Variants in ANKRD13C observed in about 807,000 individuals in gnomAD.
The protein encoded by ANKRD13C is ankyrin repeat domain 13C, also known as ankyrin repeat domain-containing protein 13C.
ANKRD13C carries 16 observed loss-of-function variants against 65.5 expected under a neutral mutation model. That is an observed-to-expected ratio of 0.24 (90% CI 0.17 to 0.37). ANKRD13C has a LOEUF of 0.37. Among genes scored for constraint, ANKRD13C ranks in the 10% least tolerant of loss-of-function variants. ANKRD13C has a pLI of 1.00. For synonymous variants in ANKRD13C, 235 were observed against 238.7 expected, an observed-to-expected ratio of 0.98 and a Z score of 0.14; for missense variants, 503 against 655.9, an observed-to-expected ratio of 0.77 and a Z score of 2.55.
chr1:70,330,574 C>CAAAAAAAA (rs71071394), intron 2 of ANKRD13C, among the ~76,000 whole-genome samples: 48 of 68,356 alleles, frequency 7.0e-4, no homozygotes, highest in Admixed American at 1.1e-3. Flanking sequence ...ACAAACAAAC[C>CAAAAAAAA]AAAAAAAAAA....
At chr1:70,330,715 T>A (rs1273920570) in intron 2 of ANKRD13C, among the ~76,000 whole-genome samples, 1 of 151,906 alleles carries the variant, frequency 6.6e-6, no homozygotes, top group African/African-American at 2.4e-5. Context: ...AGAAACCATA[T>A]TAATTCTAAA....
chr1:70,312,367 T>C (rs572555789), intron 5 of ANKRD13C, among the ~76,000 whole-genome samples: 2 of 150,572 alleles, frequency 1.3e-5, no homozygotes, highest in Admixed American at 1.3e-4. Flanking sequence ...TTTCTATTAC[T>C]GTTTTTTTTT....
intron 9 of ANKRD13C, among the ~76,000 whole-genome samples, chr1:70,291,374 AT>A (rs1679861674): frequency 6.6e-6 from 1 of 152,168 alleles, no homozygotes; most frequent in Non-Finnish European, 1.5e-5. Flanking sequence ...TGACTCTAGT[AT>A]TTTTTTGGAA....
rs1394591921 is a variant in ANKRD13C, at chr1:70,302,642, C to T, written c.777-1734G>A. The stretch of plus-strand genomic sequence containing the variant: ...TTGGGAGGCTGAGGCGGGAGAATGG[C>T]GTGAACCCGGGAGGCGGAGCTTGCA... On this transcript the variant is annotated intron_variant, in intron 6 of 12. Transcript: ENST00000370944. Among the ~76,000 whole-genome samples the T allele has an allele frequency of 1.2e-3, 129 of 104,532 alleles. 11 individuals carry two copies. Among genetic ancestry groups the T allele is most frequent in the Admixed American group, 3.7e-4 (3 of 8,156 alleles). The allele number at this position is 104,532 out of a possible 152,430, so 68.6% of individuals were successfully genotyped here.
chr1:70,262,939 A>C, intron 12 of ANKRD13C, 92 bp from the exon 13 acceptor site: 1 of 852,638 alleles, frequency 1.2e-6, no homozygotes, highest in South Asian at 2.2e-5. Flanking sequence ...TACTCCTTAA[A>C]ATGTAAAAAA....
chr1:70,267,236 C>A (rs1348507310), intron 12 of ANKRD13C, among the ~76,000 whole-genome samples: 2 of 152,110 alleles, frequency 1.3e-5, no homozygotes, highest in Non-Finnish European at 2.9e-5. Flanking sequence ...TTAATATGGC[C>A]AATCCTGTTT....
intron 1 of ANKRD13C, among the ~76,000 whole-genome samples, chr1:70,337,225 A>G (rs1682081571): frequency 6.6e-6 from 1 of 152,068 alleles, no homozygotes; most frequent in South Asian, 2.1e-4. Flanking sequence ...TTGTTGGCAA[A>G]GTCAGCAAAA....
At chr1:70,273,858 G>A (rs948858531) in intron 11 of ANKRD13C, among the ~76,000 whole-genome samples, 21 of 151,774 alleles carry the variant, frequency 1.4e-4, no homozygotes, top group South Asian at 4.2e-4. Context: ...GTTTCACCAC[G>A]TTGGCCAGGC....
rs1458630246 is a variant in ANKRD13C, at chr1:70,354,186, C to T, written c.223G>A (p.Ala75Thr). Residue 75 changes from alanine to threonine, a missense_variant, in exon 1 of 13, where the codon GCC becomes ACC. By Grantham distance (58) the Ala-to-Thr change is moderately conservative (BLOSUM62 0). Transcript: ENST00000370944. ...GAATTGTGCAGCGGCAGAGCCGGGGCGCCGGGGGGATTGGAGGAGGCCGGA... is the reference window on the plus strand; with the variant it reads ...GAATTGTGCAGCGGCAGAGCCGGGGTGCCGGGGGGATTGGAGGAGGCCGGA... ...AAPASSNPPG[A>T]PALPLHNSSV... The T allele has an allele frequency of 8.1e-6, 13 of 1,613,700 alleles. No homozygotes were observed. The highest frequency in any genetic ancestry group is 1.1e-5 in the Non-Finnish European group (13 of 1,180,016).
Position 70,274,822 on chromosome 1 carries a change from A to G in ANKRD13C, c.1296-4T>C. The G allele has an allele frequency of 6.3e-7, 1 of 1,595,390 alleles. No individual in the cohort carries two copies. The highest frequency in any genetic ancestry group is 8.6e-7 in the Non-Finnish European group (1 of 1,163,572). ...TTCTCTACCCAGATGAGGAGCTCTA[A>G]AATGGGAGGAAAAAAAATGTTAGGA... is the stretch of plus-strand genomic sequence containing the variant. On this transcript the variant is annotated splice_polypyrimidine_tract_variant and splice_region_variant and intron_variant, in intron 10 of 12. Coordinates refer to ENST00000370944, the MANE Select transcript of ANKRD13C (RefSeq NM_030816.5).
rs891915125 is a variant in ANKRD13C, at chr1:70,262,148, C to T, written c.*569G>A. On this transcript the variant is annotated 3_prime_UTR_variant, in exon 13 of 13. Transcript: ENST00000370944. ...AATGGTTACCATTTGGTTCATTCAT[C>T]TACAGAAAATTGCATTCCTTCTAGT... The T allele has an allele frequency of 1.3e-5, 2 of 152,502 alleles. No individual in the cohort carries two copies. Among genetic ancestry groups the T allele is most frequent in the African/African-American group, 4.8e-5 (2 of 41,434 alleles). The allele number at this position is 152,502 out of a possible 1,614,324, so 9.4% of individuals were successfully genotyped here.
At chr1:70,330,419 G>T (rs894924903) in intron 2 of ANKRD13C, among the ~76,000 whole-genome samples, 1 of 151,802 alleles carries the variant, frequency 6.6e-6, no homozygotes, top group Non-Finnish European at 1.5e-5. Flanking sequence ...TTAGCTGGAC[G>T]TGGTGGCATG....
At chr1:70,349,185 C>A (rs1461502278) in intron 1 of ANKRD13C, among the ~76,000 whole-genome samples, 1 of 152,056 alleles carries the variant, frequency 6.6e-6, no homozygotes, top group African/African-American at 2.4e-5. Flanking sequence ...TGATCCTTTG[C>A]CAAACTATCA....
At chr1:70,265,096 T>C (rs566586742) in intron 12 of ANKRD13C, among the ~76,000 whole-genome samples, 3 of 151,960 alleles carry the variant, frequency 2.0e-5, no homozygotes, top group South Asian at 4.2e-4. Flanking sequence ...CCAGATCAGG[T>C]GGAGTTTAGG....
chr1:70,345,401 C>G (rs1324409153), intron 1 of ANKRD13C, among the ~76,000 whole-genome samples: 1 of 151,740 alleles, frequency 6.6e-6, no homozygotes, highest in African/African-American at 2.4e-5. Context: ...TGCACTCCAG[C>G]CTGAGCAAGA....
chr1:70,288,527 A>G (rs2101225269), intron 9 of ANKRD13C, among the ~76,000 whole-genome samples: 1 of 152,366 alleles, frequency 6.6e-6, no homozygotes, highest in Admixed American at 6.5e-5. Flanking sequence ...ACTGTGGTAC[A>G]CTAATACCAT....
chr1:70,305,061 C>G (rs1411584306), intron 6 of ANKRD13C, among the ~76,000 whole-genome samples: 2 of 151,894 alleles, frequency 1.3e-5, no homozygotes, highest in East Asian at 3.9e-4. Context: ...TGTTCAAGAC[C>G]AGCCTGGGCA....
intron 1 of ANKRD13C, among the ~76,000 whole-genome samples, chr1:70,347,387 T>C (rs1385275126): frequency 6.6e-6 from 1 of 152,160 alleles, no homozygotes; most frequent in African/African-American, 2.4e-5. Flanking sequence ...TTAAAGTAGA[T>C]TTCTATGACT....
intron 2 of ANKRD13C, among the ~76,000 whole-genome samples, chr1:70,325,835 C>T (rs952746718): frequency 7.2e-5 from 11 of 151,884 alleles, no homozygotes; most frequent in Middle Eastern, 3.4e-3. Context: ...GCCAAGATTG[C>T]GTCACTGCAT....
Sources: allele counts gnomAD v4.1 joint callset (sites outside exome capture counted in the v4.1 genomes callset), GRCh38; gene constraint gnomAD v4.1.1; transcripts MANE v1.5; gene names NCBI Gene and HGNC (gene_info 2026-07-23, HGNC 2026-07-21).